Variants in FNTB observed in about 807,000 individuals in gnomAD.
FNTB encodes protein farnesyltransferase subunit beta.
FNTB carries 27 observed loss-of-function variants against 59.4 expected under a neutral mutation model. The ratio of observed to expected loss-of-function variants is 0.45; its 90% CI spans 0.34 to 0.63. FNTB has a LOEUF of 0.63. Among genes scored for constraint, FNTB ranks in the 20% least tolerant of loss-of-function variants. The pLI is 0.02. For missense variants in FNTB, 449 were observed against 559.6 expected, an observed-to-expected ratio of 0.80 and a Z score of 1.99; for synonymous variants, 230 against 220.7, an observed-to-expected ratio of 1.04 and a Z score of -0.37.
intron 11 of FNTB, among the ~76,000 whole-genome samples, chr14:65,058,915 A>G (rs1783194631): frequency 6.6e-6 from 1 of 152,188 alleles, no homozygotes; most frequent in Admixed American, 6.5e-5. Context: ...CATTCATAAG[A>G]AAGATTGATC....
In FNTB at chr14:64,997,356, A is replaced by T. The variant is rs1888437290; in HGVS notation, c.145-6893A>T. On this transcript the variant is annotated intron_variant, in intron 1 of 11. Coordinates refer to ENST00000246166, the MANE Select transcript of FNTB (RefSeq NM_002028.4). This position sits in a 1 kb window ranked among gnomAD's most constrained non-coding sequence, Gnocchi z 4.5. ...CCACAGGCTGACTCAGTGCCGGAGG[A>T]CCATCTTCCTTCCACATCCCTATGA... Among the ~76,000 whole-genome samples, 1 of 152,098 alleles carries T rather than the reference A, an allele frequency of 6.6e-6. No homozygotes were observed. The highest frequency in any genetic ancestry group is 2.4e-5 in the African/African-American group (1 of 41,410).
chr14:65,029,731 G>C lies in FNTB; in HGVS notation c.605+1950G>C, dbSNP rs1467023445. ...AGATGGCCTGGTGGGCAGGGGAGCAGTGGAGCTGGAGGGACAGGCTGGGAA... is the reference window on the plus strand; with the variant it reads ...AGATGGCCTGGTGGGCAGGGGAGCACTGGAGCTGGAGGGACAGGCTGGGAA... On this transcript the variant is annotated intron_variant, in intron 6 of 11. Coordinates refer to ENST00000246166, the MANE Select transcript of FNTB (RefSeq NM_002028.4). This position sits in a 1 kb window ranked among gnomAD's most constrained non-coding sequence, Gnocchi z 4.7. Among the ~76,000 whole-genome samples the C allele has an allele frequency of 2.0e-5, 3 of 150,708 alleles. No homozygotes were observed. The highest frequency in any genetic ancestry group is 4.4e-5 in the Non-Finnish European group (3 of 67,522).
intron 8 of FNTB, among the ~76,000 whole-genome samples, chr14:65,043,256 T>G (rs535207984): frequency 4.6e-5 from 7 of 152,344 alleles, no homozygotes; most frequent in African/African-American, 1.7e-4. Flanking sequence ...ACTATCTTGA[T>G]CTTTGTAGTA....
At chr14:65,043,679 G>A (rs2062402664) in intron 8 of FNTB, among the ~76,000 whole-genome samples, 2 of 151,160 alleles carry the variant, frequency 1.3e-5, no homozygotes, top group South Asian at 2.1e-4. Flanking sequence ...AAAATTAGCC[G>A]GGCGCGGTGG....
intron 1 of FNTB, 93 bp downstream of exon 1, chr14:64,987,190 G>C: frequency 6.9e-7 from 1 of 1,453,556 alleles, no homozygotes; most frequent in Non-Finnish European, 9.4e-7. Context: ...AACTCACCGG[G>C]GAACTACGAC....
At chr14:65,043,918 G>A (rs1422810297) in intron 8 of FNTB, among the ~76,000 whole-genome samples, 1 of 149,580 alleles carries the variant, frequency 6.7e-6, no homozygotes, top group African/African-American at 2.5e-5. Context: ...GAGCAGGGAA[G>A]TAATGAGAAA....
chr14:65,055,233 A>G (rs1207461626), intron 11 of FNTB, among the ~76,000 whole-genome samples: 1 of 152,204 alleles, frequency 6.6e-6, no homozygotes, highest in African/African-American at 2.4e-5. Context: ...CAATAGCCCT[A>G]TGAGGGCAGG....
intron 7 of FNTB, among the ~76,000 whole-genome samples, chr14:65,035,375 G>GT (rs1160030933): frequency 3.3e-5 from 5 of 152,214 alleles, no homozygotes; most frequent in South Asian, 4.1e-4. Context: ...TCAGGAAGCT[G>GT]TTTTTTTGTA....
At chr14:65,015,042 G>GGGA (rs1223943284) in intron 3 of FNTB, among the ~76,000 whole-genome samples, 1 of 151,886 alleles carries the variant, frequency 6.6e-6, no homozygotes, top group Non-Finnish European at 1.5e-5. Context: ...ATGCCTGCCA[G>GGGA]GGAGGGATCC....
chr14:65,021,738 C>T (rs1283162330), intron 4 of FNTB, among the ~76,000 whole-genome samples: 3 of 152,160 alleles, frequency 2.0e-5, no homozygotes, highest in African/African-American at 7.2e-5. Flanking sequence ...TTCCACCTTC[C>T]GGGTTCAAGC....
Position 65,047,978 on chromosome 14 carries a change from ATTTTTTTT to A in FNTB, c.955+3555_955+3562del, listed in dbSNP as rs34879850. Among the ~76,000 whole-genome samples, 17 of 64,148 alleles carry A rather than the reference ATTTTTTTT, an allele frequency of 2.7e-4. No individual in the cohort carries two copies. The highest frequency in any genetic ancestry group is 1.5e-3 in the East Asian group (3 of 1,956). 42.1% of individuals were successfully genotyped at this position (64,148 alleles called of 152,430 possible). On this transcript the variant is annotated intron_variant, in intron 9 of 11. Coordinates refer to ENST00000246166, the MANE Select transcript of FNTB (RefSeq NM_002028.4). The surrounding 1 kb of genome is among the most constrained non-coding windows in gnomAD (Gnocchi z 5.2). ...AGACAGAAGGAGGGAGACTTTTTAG[ATTTTTTTT>A]TTTTTTTTTTTTTTTTTTTGAGACA...
At position 65,000,616 on chromosome 14, in the gene FNTB, C is replaced by T. The variant is rs11848900; in HGVS notation, c.145-3633C>T. Among the ~76,000 whole-genome samples the T allele has an allele frequency of 2.1e-3, 314 of 151,830 alleles. 3 individuals carry two copies. The Middle Eastern group carries it at 0.024, about 12-fold the overall frequency. On this transcript the variant is annotated intron_variant, in intron 1 of 11. Transcript: ENST00000246166. ...CCGGCAGATCACGAGGTCAGGAGAT[C>T]GAGACCATCCTGGCTAACATGGTGA...
chr14:64,996,752 A>C (rs1888409484), intron 1 of FNTB, among the ~76,000 whole-genome samples: 1 of 149,718 alleles, frequency 6.7e-6, no homozygotes, highest in Admixed American at 6.7e-5. Flanking sequence ...CTGAGAATTA[A>C]CATTTGCTAA....
chr14:65,056,168 C>T (rs2062732719), intron 11 of FNTB, among the ~76,000 whole-genome samples: 1 of 152,142 alleles, frequency 6.6e-6, no homozygotes, highest in Admixed American at 6.5e-5. Context: ...CCTACTGTAC[C>T]AGTCATTCTG....
At chr14:64,995,725 TTATA>T (rs1277339624) in intron 1 of FNTB, among the ~76,000 whole-genome samples, 1 of 150,244 alleles carries the variant, frequency 6.7e-6, no homozygotes, top group Admixed American at 6.7e-5. Flanking sequence ...TGTATATATT[TTATA>T]TATATACATG....
rs1447893158 is a variant in FNTB, at chr14:64,990,875, A to G, written c.144+3778A>G. Among the ~76,000 whole-genome samples the G allele has an allele frequency of 6.6e-6, 1 of 152,182 alleles. No individual in the cohort carries two copies. Among genetic ancestry groups the G allele is most frequent in the Non-Finnish European group, 1.5e-5 (1 of 68,034 alleles). On this transcript the variant is annotated intron_variant, in intron 1 of 11. Transcript: ENST00000246166. The surrounding 1 kb of genome is among the most constrained non-coding windows in gnomAD (Gnocchi z 5.2). ...AGTGACGGTAGTGGAGGTAATGAGA[A>G]ATGGTCAGCTCTGGATATTTTTATG...
intron 1 of FNTB, among the ~76,000 whole-genome samples, chr14:64,989,918 G>A (rs1336207020): frequency 6.6e-6 from 1 of 152,200 alleles, no homozygotes; most frequent in Non-Finnish European, 1.5e-5. Flanking sequence ...GGGATAGGGT[G>A]TGTCAGGAAT....
Position 65,061,371 on chromosome 14 carries a change from A to C in FNTB, c.*59A>C. The C allele has an allele frequency of 6.2e-7, 1 of 1,607,222 alleles. No individual in the cohort carries two copies. Among genetic ancestry groups the C allele is most frequent in the Non-Finnish European group, 8.5e-7 (1 of 1,177,696 alleles). On this transcript the variant is annotated 3_prime_UTR_variant, in exon 12 of 12. Transcript: ENST00000246166. The stretch of plus-strand genomic sequence containing the variant: ...ATCTCCCCAGTCAGACAAGGTTTAT[A>C]CGTTTCAATACATACTGCATTCTGT...
chr14:65,060,769 A>T (rs1021208147), intron 11 of FNTB, among the ~76,000 whole-genome samples: 2 of 145,668 alleles, frequency 1.4e-5, no homozygotes, highest in African/African-American at 5.1e-5. Context: ...GCTACTCAGG[A>T]GGCTGAGGCA....
Sources: allele counts gnomAD v4.1 joint callset (sites outside exome capture counted in the v4.1 genomes callset), GRCh38; gene constraint gnomAD v4.1.1; non-coding constraint Gnocchi (gnomAD v3.1); transcripts MANE v1.5; gene names NCBI Gene and HGNC (gene_info 2026-07-23, HGNC 2026-07-21).